Variants in CIT observed in about 807,000 individuals in gnomAD.
CIT encodes the protein citron rho-interacting serine/threonine kinase, also known as citron Rho-interacting kinase.
A neutral mutation model predicts 272.7 loss-of-function variants in CIT; 79 were observed. The ratio of observed to expected loss-of-function variants is 0.29; its 90% confidence interval spans 0.24 to 0.35. CIT has a LOEUF of 0.35. Ranked by LOEUF, CIT falls within the 10% of genes least tolerant of loss-of-function variation. CIT has a pLI of 1.00. For synonymous variants in CIT, 948 were observed against 995.6 expected (o/e 0.95, Z 0.90); for missense variants, 1,909 against 2,618.3 (o/e 0.73, Z 5.91).
chr12:119,832,817 T>C lies in CIT; in HGVS notation c.707A>G (p.Lys236Arg), dbSNP rs757300150. The change falls in exon 7 of 48, where the codon AAG becomes AGG. Residue 236 changes from lysine to arginine, a missense_variant. By Grantham distance (26) the Lys-to-Arg change is conservative (BLOSUM62 2). Coordinates refer to ENST00000392521, the MANE Select transcript of CIT (RefSeq NM_001206999.2). ...NILVDRTGHI[K>R]LVDFGSAAKM... ...CGCGGCAGATCCAAAATCCACCAGCTTGATGTGTCCTGTGCGGTCAACGAG... is the reference window on the plus strand; with the variant it reads ...CGCGGCAGATCCAAAATCCACCAGCCTGATGTGTCCTGTGCGGTCAACGAG... 2 of 1,614,152 alleles carry C rather than the reference T, an allele frequency of 1.2e-6. No homozygotes were observed. Among genetic ancestry groups the C allele is most frequent in the South Asian group, 2.2e-5 (2 of 91,080 alleles).
chr12:119,848,347 TAA>T (rs2138232826), intron 5 of CIT, among the ~76,000 whole-genome samples: 2 of 152,312 alleles, frequency 1.3e-5, no homozygotes, highest in South Asian at 4.1e-4. Context: ...AGTAGAAGTT[TAA>T]GATAAGTGGG....
chr12:119,735,223 A>T lies in CIT; in HGVS notation c.3093T>A (p.Ser1031Arg). 6.2e-7 allele frequency: 1 copy of T among 1,614,000 alleles called. No homozygotes were observed. Among genetic ancestry groups the T allele is most frequent in the Non-Finnish European group, 8.5e-7 (1 of 1,180,006 alleles). ...TCTCCCGGCGGAGATGGTCCACTTCACTTCGCAGTTGTACAATCTCGTCGT... is the reference window on the plus strand; with the variant it reads ...TCTCCCGGCGGAGATGGTCCACTTCTCTTCGCAGTTGTACAATCTCGTCGT... ...GANDEIVQLR[S>R]EVDHLRREIT... The change falls in exon 25 of 48, where the codon AGT becomes AGA. Residue 1031 changes from serine to arginine, a missense_variant. Transcript: ENST00000392521.
intron 17 of CIT, among the ~76,000 whole-genome samples, chr12:119,771,910 GC>G: frequency 6.6e-6 from 1 of 152,266 alleles, no homozygotes; most frequent in African/African-American, 2.4e-5. Context: ...AATGATGGTG[GC>G]CCTGCCTGGC....
chr12:119,762,349 A>G (rs1470673336), intron 19 of CIT, among the ~76,000 whole-genome samples: 1 of 152,210 alleles, frequency 6.6e-6, no homozygotes, highest in Non-Finnish European at 1.5e-5. Context: ...ACTCTCTTGG[A>G]TGTCTGAGCA....
intron 10 of CIT, among the ~76,000 whole-genome samples, chr12:119,797,657 T>C (rs1438101117): frequency 6.6e-6 from 1 of 152,216 alleles, no homozygotes; most frequent in African/African-American, 2.4e-5. Flanking sequence ...CAGGCAAGAC[T>C]CTTTCCAATA....
At position 119,704,678 on chromosome 12, in the gene CIT, C is replaced by T. The variant is rs60295384; in HGVS notation, c.5212-223G>A. On this transcript the variant is annotated intron_variant, in intron 40 of 47. Transcript: ENST00000392521. ...TTCAATGTGTGACAATCAAAAATGT[C>T]TCCAGCCATTACCAAATGTCCCCTG... Among the ~76,000 whole-genome samples the T allele has an allele frequency of 0.094, 14,368 of 152,188 alleles. 1,836 individuals are homozygous for T. The highest frequency in any genetic ancestry group is 0.29 in the African/African-American group (12,204 of 41,466).
At chr12:119,759,603 G>A (rs1046445773) in intron 20 of CIT, among the ~76,000 whole-genome samples, 4 of 152,024 alleles carry the variant, frequency 2.6e-5, no homozygotes, top group East Asian at 3.9e-4. Context: ...CCGATATTGC[G>A]CCACTGCACT....
At chr12:119,703,934 C>T (rs1462931646) in intron 41 of CIT, among the ~76,000 whole-genome samples, 2 of 152,200 alleles carry the variant, frequency 1.3e-5, no homozygotes, top group Non-Finnish European at 2.9e-5. Flanking sequence ...TATCAAAATA[C>T]TGCTAGCACT....
intron 46 of CIT, among the ~76,000 whole-genome samples, chr12:119,696,999 T>C (rs1053279080): frequency 2.0e-5 from 3 of 152,204 alleles, no homozygotes; most frequent in African/African-American, 7.2e-5. Flanking sequence ...TATCAATGGC[T>C]GTTTGAGTCC....
At chr12:119,854,632 A>C (rs1208770859) in intron 4 of CIT, among the ~76,000 whole-genome samples, 2 of 151,840 alleles carry the variant, frequency 1.3e-5, no homozygotes, top group African/African-American at 4.8e-5. Flanking sequence ...GTCTCAAAAA[A>C]ATAAAAATAA....
At chr12:119,796,773 G>C (rs1168974006) in intron 10 of CIT, among the ~76,000 whole-genome samples, 1 of 152,186 alleles carries the variant, frequency 6.6e-6, no homozygotes, top group African/African-American at 2.4e-5. Flanking sequence ...CATTGCAAGA[G>C]CCTGATGGCA....
chr12:119,777,300 T>C (rs545020778), intron 13 of CIT, among the ~76,000 whole-genome samples: 1 of 150,652 alleles, frequency 6.6e-6, no homozygotes, highest in East Asian at 2.0e-4. Context: ...AGTAGAAAGA[T>C]GGACCCAGAA....
intron 29 of CIT, among the ~76,000 whole-genome samples, chr12:119,720,834 T>C (rs1054868944): frequency 6.6e-6 from 1 of 152,220 alleles, no homozygotes; most frequent in Non-Finnish European, 1.5e-5. Flanking sequence ...ACTATAGAAA[T>C]CTTCCAACTT....
chr12:119,709,809 T>A (rs879433476), intron 39 of CIT, among the ~76,000 whole-genome samples: 4,816 of 146,214 alleles, frequency 0.033, 150 homozygotes, highest in African/African-American at 0.07. Flanking sequence ...TGTGTGTGTG[T>A]GTGTGTGTGT....
intron 3 of CIT, among the ~76,000 whole-genome samples, chr12:119,866,191 G>C (rs1950510245): frequency 6.6e-6 from 1 of 152,164 alleles, no homozygotes; most frequent in African/African-American, 2.4e-5. Flanking sequence ...CCATTGGGCA[G>C]GGTGTGGTAG....
At chr12:119,730,781 C>A in intron 26 of CIT, 151 bp from the exon 27 acceptor site, 1 of 803,678 alleles carries the variant, frequency 1.2e-6, no homozygotes, top group Non-Finnish European at 1.9e-6. Flanking sequence ...AACTGTCTTC[C>A]TTTCCAACAG....
At chr12:119,751,619 A>AG (rs1555233297) in intron 23 of CIT, among the ~76,000 whole-genome samples, 3 of 145,964 alleles carry the variant, frequency 2.1e-5, no homozygotes, top group Non-Finnish European at 3.0e-5. Flanking sequence ...AAAAAAAAAA[A>AG]AAGTAACATG....
In CIT at chr12:119,730,614, G is replaced by A. The variant is rs765007099; in HGVS notation, c.3367C>T (p.Arg1123Trp). The A allele has an allele frequency of 8.7e-6, 14 of 1,613,878 alleles. No homozygotes were observed. The highest frequency in any genetic ancestry group is 1.1e-5 in the Non-Finnish European group (13 of 1,179,908). ...EKQSRARADQ[R>W]ITESRQVVEL... is the part of the protein sequence containing the mutation. ...ACCACCTGGCGAGACTCGGTGATCC[G>A]CTGATCGGCTCTCGCCCTGCCAGAA... Residue 1123 changes from arginine (R) to tryptophan (W), a missense_variant, in exon 27 of 48, where the codon CGG (arginine) becomes TGG (tryptophan). Around this residue, in one of 8 missense-constraint regions of CIT, gnomAD observed 530 missense variants for 822.4 expected, o/e 0.64. Coordinates refer to ENST00000392521, the MANE Select transcript of CIT (RefSeq NM_001206999.2).
At chr12:119,855,891 T>C (rs1283248360) in intron 4 of CIT, among the ~76,000 whole-genome samples, 1 of 152,172 alleles carries the variant, frequency 6.6e-6, no homozygotes, top group Non-Finnish European at 1.5e-5. Flanking sequence ...CTACACGTAA[T>C]GCCTCTTCTC....
Sources: allele counts gnomAD v4.1 joint callset (sites outside exome capture counted in the v4.1 genomes callset), GRCh38; gene constraint gnomAD v4.1.1; regional missense constraint gnomAD v4.1.1; transcripts MANE v1.5; gene names NCBI Gene and HGNC (gene_info 2026-07-23, HGNC 2026-07-21).